The following DRC11 variants were observed in gnomAD, a reference collection of about 807,000 sequenced individuals.
The protein encoded by DRC11 is dynein regulatory complex subunit 11.
At chr2:236,415,397 C>T in the DRC11 span, among the ~76,000 whole-genome samples, 2 of 152,122 alleles carry the variant, frequency 1.3e-5, no homozygotes, top group Non-Finnish European at 1.5e-5. This position sits in a 1 kb window ranked among gnomAD's most constrained non-coding sequence, Gnocchi z 5.7. Context: ...AATTATAGTG[C>T]CTTTTGCTAT....
At chr2:236,345,405 C>T in the DRC11 span, among the ~76,000 whole-genome samples, 2 of 152,140 alleles carry the variant, frequency 1.3e-5, no homozygotes, top group Non-Finnish European at 2.9e-5. Flanking sequence ...TCAACATCCT[C>T]TCAGTTTGGC....
the DRC11 span, chr2:236,441,171 T>C: frequency 8.3e-7 from 1 of 1,203,728 alleles, no homozygotes; most frequent in Non-Finnish European, 1.2e-6. Context: ...AAGTCCTCTC[T>C]TGTTATATAC....
At chr2:236,339,661 G>A in the DRC11 span, among the ~76,000 whole-genome samples, 1 of 152,172 alleles carries the variant, frequency 6.6e-6, no homozygotes, top group Non-Finnish European at 1.5e-5. Context: ...TTGTTGAAAA[G>A]ATTATTCTTT....
At chr2:236,375,309 G>A in the DRC11 span, among the ~76,000 whole-genome samples, 3 of 152,126 alleles carry the variant, frequency 2.0e-5, no homozygotes, top group Non-Finnish European at 2.9e-5. This position sits in a 1 kb window ranked among gnomAD's most constrained non-coding sequence, Gnocchi z 4.2. Context: ...TTAATAATTA[G>A]TTGAGAAGTC....
chr2:236,326,632 CTCATT>C, the DRC11 span, among the ~76,000 whole-genome samples: 1 of 152,088 alleles, frequency 6.6e-6, no homozygotes, highest in African/African-American at 2.4e-5. Flanking sequence ...ATTATCTCTT[CTCATT>C]TCATTTTTTT....
the DRC11 span, among the ~76,000 whole-genome samples, chr2:236,356,803 A>G: frequency 4.4e-3 from 670 of 151,444 alleles, no homozygotes; most frequent in African/African-American, 0.016. Context: ...GTGGTAGGCA[A>G]CAGCCCTGCC....
At chr2:236,446,347 A>G in the DRC11 span, among the ~76,000 whole-genome samples, 1 of 152,136 alleles carries the variant, frequency 6.6e-6, no homozygotes, top group African/African-American at 2.4e-5. This position sits in a 1 kb window ranked among gnomAD's most constrained non-coding sequence, Gnocchi z 6.2. Flanking sequence ...TTTGGCTCCC[A>G]TGATGTTTCT....
the DRC11 span, among the ~76,000 whole-genome samples, chr2:236,402,859 A>G: frequency 6.6e-6 from 1 of 152,226 alleles, no homozygotes; most frequent in African/African-American, 2.4e-5. This position sits in a 1 kb window ranked among gnomAD's most constrained non-coding sequence, Gnocchi z 6.0. Flanking sequence ...GGGAGGAAAG[A>G]GGGAGAATTC....
At chr2:236,322,325 C>G in the DRC11 span, among the ~76,000 whole-genome samples, 1 of 149,866 alleles carries the variant, frequency 6.7e-6, no homozygotes, top group Non-Finnish European at 1.5e-5. Flanking sequence ...AGCTCCGCCT[C>G]CCGGGTTCAC....
the DRC11 span, chr2:236,392,217 G>A: frequency 2.7e-6 from 4 of 1,495,022 alleles, no homozygotes; most frequent in East Asian, 9.0e-5. This position sits in a 1 kb window ranked among gnomAD's most constrained non-coding sequence, Gnocchi z 5.1. Context: ...ATGATTTGCT[G>A]TTACTACACC....
chr2:236,371,408 C>T, the DRC11 span, among the ~76,000 whole-genome samples: 3 of 152,118 alleles, frequency 2.0e-5, no homozygotes, highest in Non-Finnish European at 2.9e-5. This position sits in a 1 kb window ranked among gnomAD's most constrained non-coding sequence, Gnocchi z 5.1. Flanking sequence ...GACAAGATGA[C>T]GAGGCATGAC....
the DRC11 span, among the ~76,000 whole-genome samples, chr2:236,439,070 T>C: frequency 6.8e-6 from 1 of 147,516 alleles, no homozygotes; most frequent in East Asian, 2.0e-4. Flanking sequence ...TTCAAAGCAG[T>C]GTGTAGAGGG....
At chr2:236,357,936 GAATATAT>G in the DRC11 span, among the ~76,000 whole-genome samples, 1 of 79,084 alleles carries the variant, frequency 1.3e-5, no homozygotes, top group East Asian at 2.5e-4. Context: ...ATTCATATAT[GAATATAT>G]AATATATAAA....
At chr2:236,358,254 C>A in the DRC11 span, among the ~76,000 whole-genome samples, 12 of 126,226 alleles carry the variant, frequency 9.5e-5, no homozygotes, top group East Asian at 2.3e-4. Context: ...TAGATGTATA[C>A]TATATGAATA....
chr2:236,442,040 G>A, the DRC11 span, among the ~76,000 whole-genome samples: 1 of 152,126 alleles, frequency 6.6e-6, no homozygotes, highest in Non-Finnish European at 1.5e-5. Flanking sequence ...ATTTGAGGCT[G>A]AAGTGAGCCA....
At chr2:236,317,769 A>G in the DRC11 span, among the ~76,000 whole-genome samples, 1 of 152,342 alleles carries the variant, frequency 6.6e-6, no homozygotes, top group South Asian at 2.1e-4. This position sits in a 1 kb window ranked among gnomAD's most constrained non-coding sequence, Gnocchi z 5.4. Context: ...TTCAGGCACA[A>G]TGAGTGCTAT....
chr2:236,347,622 C>T, the DRC11 span, among the ~76,000 whole-genome samples: 4 of 151,288 alleles, frequency 2.6e-5, no homozygotes, highest in Non-Finnish European at 4.4e-5. Flanking sequence ...TGAGGTAACT[C>T]AGGAATGGAA....
At chr2:236,357,779 AT>A in the DRC11 span, among the ~76,000 whole-genome samples, 1 of 126,448 alleles carries the variant, frequency 7.9e-6, no homozygotes, top group Non-Finnish European at 1.5e-5. Context: ...ATGTAAATAT[AT>A]GTTATATATA....
At chr2:236,357,652 A>ATATAAC in the DRC11 span, among the ~76,000 whole-genome samples, 1 of 93,266 alleles carries the variant, frequency 1.1e-5, no homozygotes, top group African/African-American at 4.7e-5. Flanking sequence ...AAATATATAA[A>ATATAAC]TTATATTCAT....
Sources: allele counts gnomAD v4.1 joint callset (sites outside exome capture counted in the v4.1 genomes callset), GRCh38; gene constraint gnomAD v4.1.1; non-coding constraint Gnocchi (gnomAD v3.1); transcripts MANE v1.5; gene names NCBI Gene and HGNC (gene_info 2026-07-23, HGNC 2026-07-21).